Variants in STAU1 observed in about 807,000 individuals in gnomAD.
The protein encoded by STAU1 is staufen double-stranded RNA binding protein 1, also known as double-stranded RNA-binding protein Staufen homolog 1.
In STAU1, 13 loss-of-function variants were observed where a neutral mutation model predicts 62.9. That is an observed-to-expected ratio of 0.21 (90% CI 0.13 to 0.33). The LOEUF is 0.33. Ranked by LOEUF, STAU1 falls within the 10% of genes least tolerant of loss-of-function variation. The pLI is 1.00. For missense variants in STAU1, 571 were observed against 712.1 expected, an observed-to-expected ratio of 0.80 and a Z score of 2.25; for synonymous variants, 269 against 265.1, an observed-to-expected ratio of 1.01 and a Z score of -0.14.
intron 6 of STAU1, among the ~76,000 whole-genome samples, chr20:49,126,577 A>AAAAAAAAACAAC (rs1555837193): frequency 8.6e-5 from 3 of 35,042 alleles, no homozygotes; most frequent in Non-Finnish European, 5.4e-5. Flanking sequence ...CAAAAAGCAA[A>AAAAAAAAACAAC]AAAAAAAAAA....
intron 5 of STAU1, among the ~76,000 whole-genome samples, chr20:49,141,218 A>G (rs983572058): frequency 3.3e-5 from 5 of 152,204 alleles, no homozygotes; most frequent in Non-Finnish European, 7.3e-5. Flanking sequence ...AGATAATAAC[A>G]TAACAGGCAA....
At chr20:49,160,544 G>A (rs989466604) in intron 3 of STAU1, among the ~76,000 whole-genome samples, 5 of 152,178 alleles carry the variant, frequency 3.3e-5, no homozygotes, top group African/African-American at 1.2e-4. Flanking sequence ...CAAGAATTAA[G>A]TTCCAGAATG....
chr20:49,184,689 CGTTAAGCTTAAT>C (rs749743844), intron 1 of STAU1, among the ~76,000 whole-genome samples: 1 of 152,140 alleles, frequency 6.6e-6, no homozygotes, highest in Non-Finnish European at 1.5e-5. Context: ...AAAAGTTTTA[CGTTAAGCTTAAT>C]GGGAAGCACT....
chr20:49,182,331 A>G (rs895255732), intron 1 of STAU1, among the ~76,000 whole-genome samples: 1 of 152,222 alleles, frequency 6.6e-6, no homozygotes, highest in African/African-American at 2.4e-5. Context: ...TACCACTTTA[A>G]AAATATTACT....
chr20:49,215,012 G>C, the STAU1 span, among the ~76,000 whole-genome samples: 3 of 152,164 alleles, frequency 2.0e-5, no homozygotes, highest in Non-Finnish European at 4.4e-5. Flanking sequence ...GAAGGCTGAG[G>C]AAGTCTGAGG....
intron 5 of STAU1, among the ~76,000 whole-genome samples, chr20:49,136,860 G>T (rs2092896927): frequency 6.6e-6 from 1 of 152,114 alleles, no homozygotes; most frequent in African/African-American, 2.4e-5. Flanking sequence ...ACCACACCCA[G>T]CTAATTTTTG....
intron 1 of STAU1, among the ~76,000 whole-genome samples, chr20:49,181,562 C>T (rs1600890841): frequency 1.3e-5 from 2 of 151,898 alleles, no homozygotes; most frequent in African/African-American, 2.4e-5. Context: ...CTCAGGAGTT[C>T]GAGACCAGCC....
At chr20:49,157,555 C>T (rs1280901527) in intron 3 of STAU1, among the ~76,000 whole-genome samples, 1 of 151,836 alleles carries the variant, frequency 6.6e-6, no homozygotes, top group Non-Finnish European at 1.5e-5. Context: ...TCTCAGCTCA[C>T]TGCAACCTCC....
intron 1 of STAU1, among the ~76,000 whole-genome samples, chr20:49,180,331 T>TG (rs200203121): frequency 2.1e-3 from 171 of 81,124 alleles, no homozygotes; most frequent in African/African-American, 9.4e-3. Context: ...TTTTTTTTTT[T>TG]TCCCCCCCTG....
At chr20:49,208,616 T>G in the STAU1 span, among the ~76,000 whole-genome samples, 1 of 150,564 alleles carries the variant, frequency 6.6e-6, no homozygotes, top group Non-Finnish European at 1.5e-5. Context: ...CATAGTGAGA[T>G]CCTGTCTTTT....
chr20:49,154,083 A>C lies in STAU1; in HGVS notation c.206-12T>G. On this transcript the variant is annotated splice_polypyrimidine_tract_variant and intron_variant, in intron 3 of 13. Coordinates refer to ENST00000371856, the MANE Select transcript of STAU1 (RefSeq NM_017453.4). Reference sequence around the variant, plus strand: ...AGGGGTTATGCTTTCTGCAAGAAAGAATCGACAAAGAACTGTTTTTTTCTG... The same window carrying C: ...AGGGGTTATGCTTTCTGCAAGAAAGCATCGACAAAGAACTGTTTTTTTCTG... 1 of 1,589,364 alleles carries C rather than the reference A, an allele frequency of 6.3e-7. No individual in the cohort carries two copies. The highest frequency in any genetic ancestry group is 8.5e-7 in the Non-Finnish European group (1 of 1,173,330).
At chr20:49,126,900 T>C (rs1025320094) in intron 6 of STAU1, among the ~76,000 whole-genome samples, 5 of 152,176 alleles carry the variant, frequency 3.3e-5, no homozygotes, top group Non-Finnish European at 7.3e-5. Flanking sequence ...CCATGATCTC[T>C]AACTCATACC....
chr20:49,153,163 T>C (rs1029130739), intron 4 of STAU1, among the ~76,000 whole-genome samples: 5 of 143,656 alleles, frequency 3.5e-5, no homozygotes, highest in African/African-American at 1.3e-4. Flanking sequence ...GGCAGGAGAA[T>C]AGCATGAACC....
At chr20:49,135,984 G>T in intron 5 of STAU1, 53 bp from the exon 6 acceptor site, 4 of 1,404,106 alleles carry the variant, frequency 2.8e-6, no homozygotes, top group Non-Finnish European at 4.0e-6. Context: ...TCAATGGCCA[G>T]GTGAGTTGGT....
Position 49,152,271 on chromosome 20 carries a change from A to G in STAU1, c.345-524T>C, listed in dbSNP as rs2093265379. On this transcript the variant is annotated intron_variant, in intron 4 of 13. Transcript: ENST00000371856. ...CCATTTCATAGCTTATATTTTTAAA[A>G]TGACTATCCCCCAACAGAGAGCAGG... Among the ~76,000 whole-genome samples, 3 of 151,540 alleles carry G rather than the reference A, an allele frequency of 2.0e-5. No individual in the cohort carries two copies. The South Asian group carries it at 6.3e-4, about 32-fold the overall frequency.
intron 6 of STAU1, among the ~76,000 whole-genome samples, chr20:49,126,588 C>CAAAAAAAAAACAAAAAAAAAAACAA (rs1555837251): frequency 3.5e-5 from 2 of 56,348 alleles, no homozygotes; most frequent in African/African-American, 6.4e-5. Flanking sequence ...AAAAAAAAAA[C>CAAAAAAAAAACAAAAAAAAAAACAA]AAAAAAAAAA....
upstream of STAU1, among the ~76,000 whole-genome samples, chr20:49,190,191 C>T (rs1280253450): frequency 6.6e-6 from 1 of 152,192 alleles, no homozygotes; most frequent in Non-Finnish European, 1.5e-5. Flanking sequence ...CAGACAATCT[C>T]GTCAAAGGTG....
At chr20:49,159,366 G>A (rs531732130) in intron 3 of STAU1, among the ~76,000 whole-genome samples, 3 of 152,122 alleles carry the variant, frequency 2.0e-5, no homozygotes, top group Admixed American at 2.0e-4. Context: ...AACAACTTGT[G>A]GGTAAAAAGA....
chr20:49,157,255 A>C (rs2093374476), intron 3 of STAU1, among the ~76,000 whole-genome samples: 1 of 152,174 alleles, frequency 6.6e-6, no homozygotes, highest in Non-Finnish European at 1.5e-5. Flanking sequence ...CTTCACACAA[A>C]TTAAGACAAT....
Sources: allele counts gnomAD v4.1 joint callset (sites outside exome capture counted in the v4.1 genomes callset), GRCh38; gene constraint gnomAD v4.1.1; transcripts MANE v1.5; gene names NCBI Gene and HGNC (gene_info 2026-07-23, HGNC 2026-07-21).